The following DNAH3 variants were observed in gnomAD, a reference collection of about 807,000 sequenced individuals.
DNAH3 encodes axonemal beta dynein heavy chain 3.
Under a neutral mutation model 432.5 loss-of-function variants are expected in DNAH3, and 332 were observed. The observed-to-expected ratio is 0.77, with a 90% CI of 0.70 to 0.84. DNAH3 has a LOEUF of 0.84. Ranked by LOEUF, DNAH3 falls within the 40% of genes least tolerant of loss-of-function variation. The probability of loss-of-function intolerance (pLI) is 0.00; values close to 1 mark genes in which losing one functional copy is unlikely to be tolerated. For synonymous variants in DNAH3, 1,956 were observed against 1,900.2 expected (o/e 1.03, Z -0.76); for missense variants, 4,861 against 5,114.0 (o/e 0.95, Z 1.51).
In DNAH3 at chr16:20,979,286, C is replaced by T. The variant is rs182084261; in HGVS notation, c.8076+44G>A. On this transcript the variant is annotated intron_variant, in intron 50 of 61. Transcript: ENST00000261383. ...AACACATGCCTCGGCACATCCACCTCGTCCCGGGCCTCTTTGTCTCTGTTC... is the reference window on the plus strand; with the variant it reads ...AACACATGCCTCGGCACATCCACCTTGTCCCGGGCCTCTTTGTCTCTGTTC... 727 of 1,590,686 alleles carry T rather than the reference C, an allele frequency of 4.6e-4. 1 individual carries two copies. In the African/African-American group the frequency reaches 7.6e-3, roughly 17 times the overall value.
rs758535427 is a variant in DNAH3, at chr16:20,941,562, G to C, written c.11512-19C>G. The C allele has an allele frequency of 1.4e-5, 22 of 1,613,336 alleles. No homozygotes were observed. Among genetic ancestry groups the C allele is most frequent in the African/African-American group, 2.7e-5 (2 of 74,930 alleles). On this transcript the variant is annotated intron_variant, in intron 58 of 61. Coordinates refer to ENST00000261383, the Ensembl canonical transcript of DNAH3. ...CCACTTCCTTAAAATGCAGGCAGAA[G>C]AGAGGTGAGTGAGAAGCAAGCCCTA... is the stretch of plus-strand genomic sequence containing the variant.
rs575727139 is a variant in DNAH3, at chr16:21,029,823, T to C, written c.5439+1222A>G. Among the ~76,000 whole-genome samples, 8 of 152,292 alleles carry C rather than the reference T, an allele frequency of 5.3e-5. 1 individual carries two copies. In the South Asian group the frequency reaches 1.7e-3, roughly 32 times the overall value. The stretch of plus-strand genomic sequence containing the variant: ...GGCAAGTTACATAAATTCCATCCCA[T>C]ATGCCCCCACTTTTTTTTTGAGACA... On this transcript the variant is annotated intron_variant, in intron 37 of 61. Transcript: ENST00000261383.
intron 10 of DNAH3, chr16:21,121,040 A>T (rs2092328763): frequency 1.4e-6 from 1 of 692,486 alleles, no homozygotes; most frequent in Non-Finnish European, 2.6e-6. Context: ...TTGCACTGCA[A>T]CCTTGAACTC....
intron 14 of DNAH3, among the ~76,000 whole-genome samples, chr16:21,109,079 T>C (rs1447850231): frequency 1.4e-5 from 2 of 145,364 alleles, no homozygotes; most frequent in African/African-American, 5.1e-5. Flanking sequence ...GCCAAGATCA[T>C]GCCACTGCAC....
rs745369732 is a variant in DNAH3, at chr16:20,970,006, G to C, written c.8260-16C>G. The C allele has an allele frequency of 1.2e-6, 2 of 1,612,996 alleles. No individual in the cohort carries two copies. Among genetic ancestry groups the C allele is most frequent in the Admixed American group, 1.7e-5 (1 of 60,022 alleles). ...CACATTCGTTCTGTGGGCGGCATGAGGACAAAGGAGATGAGTGCCCAGGGC... is the reference window on the plus strand; with the variant it reads ...CACATTCGTTCTGTGGGCGGCATGACGACAAAGGAGATGAGTGCCCAGGGC... On this transcript the variant is annotated splice_polypyrimidine_tract_variant and intron_variant, in intron 51 of 61. Coordinates refer to ENST00000261383, the Ensembl canonical transcript of DNAH3.
At position 21,086,857 on chromosome 16, in the gene DNAH3, A is replaced by T. The variant is rs1410428857; in HGVS notation, c.2869T>A (p.Trp957Arg). Residue 957 changes from tryptophan (W) to arginine (R), a missense_variant, in exon 19 of 62, where the codon TGG becomes AGG. By Grantham distance (101) the Trp-to-Arg change is moderately radical. Coordinates refer to ENST00000261383, the Ensembl canonical transcript of DNAH3. ...CAGTGATTGATAGAAACCTGCTGCC[A>T]GTGTCGGTCTTTCATTCCTGGGTTG... 4 of 1,614,000 alleles carry T rather than the reference A, an allele frequency of 2.5e-6. No homozygotes were observed. In the African/African-American group the frequency reaches 4.0e-5, roughly 16 times the overall value.
In DNAH3 at chr16:21,047,078, AC is replaced by A. The variant is rs557670972; in HGVS notation, c.4461+2490del. On this transcript the variant is annotated intron_variant, in intron 31 of 61. Transcript: ENST00000261383. ...TCTGACGCGCTTCCCTTTGAGGGTA[AC>A]CCGACCTTTCTCTCTGGCTGCCCTT... is the stretch of plus-strand genomic sequence containing the variant. Among the ~76,000 whole-genome samples, 322 of 151,838 alleles carry A rather than the reference AC, an allele frequency of 2.1e-3. 1 individual carries two copies. The highest frequency in any genetic ancestry group is 5.9e-3 in the South Asian group (28 of 4,754).
intron 8 of DNAH3, among the ~76,000 whole-genome samples, 177 bp downstream of exon 9, chr16:21,127,510 G>A (rs2092467694): frequency 6.6e-6 from 1 of 151,738 alleles, no homozygotes; most frequent in African/African-American, 2.4e-5. Context: ...GCAGTGAGCT[G>A]AGATCACACC....
chr16:20,942,002 T>A (rs2083830455), intron 58 of DNAH3, among the ~76,000 whole-genome samples: 1 of 151,746 alleles, frequency 6.6e-6, no homozygotes, highest in Non-Finnish European at 1.5e-5. Context: ...GAGGCGGATG[T>A]TGCAGTGAGC....
At chr16:21,153,924 T>A (rs112823166) in intron 1 of DNAH3, among the ~76,000 whole-genome samples, 36 of 152,336 alleles carry the variant, frequency 2.4e-4, no homozygotes, top group African/African-American at 7.2e-4. Flanking sequence ...AGCTTTTCCA[T>A]CTCTTATATT....
chr16:20,992,903 T>C (rs544035462), intron 44 of DNAH3, among the ~76,000 whole-genome samples: 1 of 152,350 alleles, frequency 6.6e-6, no homozygotes, highest in East Asian at 1.9e-4. Context: ...TCTCACTTTG[T>C]TGCCCAGGCT....
intron 8 of DNAH3, among the ~76,000 whole-genome samples, chr16:21,127,335 A>C (rs1220261304): frequency 6.6e-6 from 1 of 151,532 alleles, no homozygotes; most frequent in Non-Finnish European, 1.5e-5. Flanking sequence ...GGCAGATCAC[A>C]AGGTCAGGAG....
At chr16:20,985,232 C>A in exon 48 of DNAH3, 1 of 1,614,184 alleles carries the variant, frequency 6.2e-7, no homozygotes, top group Non-Finnish European at 8.5e-7. Context: ...ATGTTGATGT[C>A]CTCCACGAAT....
chr16:21,048,644 G>A (rs1303041911), intron 31 of DNAH3, among the ~76,000 whole-genome samples: 1 of 151,764 alleles, frequency 6.6e-6, no homozygotes, highest in South Asian at 2.1e-4. Flanking sequence ...CTTCTTCGTC[G>A]CTCACGCTGG....
intron 18 of DNAH3, among the ~76,000 whole-genome samples, chr16:21,089,307 G>C (rs1331032135): frequency 6.6e-6 from 1 of 152,188 alleles, no homozygotes; most frequent in East Asian, 1.9e-4. Context: ...CTTATCCATG[G>C]AGAGGGATAT....
At chr16:21,139,272 A>T (rs370095151) in intron 5 of DNAH3, among the ~76,000 whole-genome samples, 3 of 120,672 alleles carry the variant, frequency 2.5e-5, no homozygotes, top group East Asian at 5.6e-4. Flanking sequence ...CAAATATTTT[A>T]GTTTTCTCAA....
chr16:21,072,016 C>T (rs969137072), intron 21 of DNAH3, among the ~76,000 whole-genome samples: 3 of 152,102 alleles, frequency 2.0e-5, no homozygotes, highest in Non-Finnish European at 4.4e-5. Flanking sequence ...AAATAAAATA[C>T]AGCTATTAGT....
intron 18 of DNAH3, among the ~76,000 whole-genome samples, chr16:21,087,644 GGAGATAT>G (rs1157652840): frequency 8.5e-5 from 13 of 152,200 alleles, no homozygotes; most frequent in African/African-American, 3.1e-4. Context: ...AAAGGTGAAT[GGAGATAT>G]GAGAGGGAGG....
chr16:20,952,579 A>G (rs1317193303), intron 55 of DNAH3, 30 bp from the exon 56 acceptor site: 28 of 1,369,910 alleles, frequency 2.0e-5, no homozygotes, highest in Non-Finnish European at 2.9e-5. Flanking sequence ...GAGAGGCTTC[A>G]GTGCTGAGAG....
Sources: allele counts gnomAD v4.1 joint callset (sites outside exome capture counted in the v4.1 genomes callset), GRCh38; gene constraint gnomAD v4.1.1; transcripts MANE v1.5; gene names NCBI Gene and HGNC (gene_info 2026-07-23, HGNC 2026-07-21).